MED13L: variants seen among roughly 807,000 people sequenced by gnomAD.
MED13L encodes mediator of RNA polymerase II transcription subunit 13-like.
In MED13L, 7 loss-of-function variants were observed where a neutral mutation model predicts 220.9. The observed-to-expected ratio is 0.03, with a 90% CI of 0.02 to 0.06. MED13L has a LOEUF of 0.06. Ranked by LOEUF, MED13L falls within the 10% of genes least tolerant of loss-of-function variation. The pLI is 1.00. For synonymous variants in MED13L, 1,011 were observed against 1,015.2 expected (o/e 1.00, Z 0.08); for missense variants, 1,965 against 2,760.5 (o/e 0.71, Z 6.46).
At chr12:116,006,668 G>A (rs1879065346) in intron 11 of MED13L, 1 of 532,800 alleles carries the variant, frequency 1.9e-6, no homozygotes, top group South Asian at 2.1e-5. Flanking sequence ...AAGCAGTACT[G>A]GTGGCATTTG....
chr12:116,007,333 C>T, intron 11 of MED13L, 78 bp downstream of exon 11: 1 of 1,377,882 alleles, frequency 7.3e-7, no homozygotes, highest in Non-Finnish European at 1.0e-6. Context: ...GTTCTGCCTC[C>T]AAAGTCTTCC....
At chr12:115,992,957 G>A (rs983955768) in intron 16 of MED13L, among the ~76,000 whole-genome samples, 1 of 151,496 alleles carries the variant, frequency 6.6e-6, no homozygotes, top group African/African-American at 2.4e-5. Context: ...CACATCTGTG[G>A]ATTCAGCCAT....
chr12:116,120,829 A>C (rs1260415070), intron 2 of MED13L, among the ~76,000 whole-genome samples: 1 of 152,184 alleles, frequency 6.6e-6, no homozygotes, highest in Non-Finnish European at 1.5e-5. Context: ...ATCTCTATAG[A>C]CTATGTTTAT....
intron 4 of MED13L, among the ~76,000 whole-genome samples, chr12:116,046,535 A>G (rs1036298271): frequency 6.6e-6 from 1 of 152,246 alleles, no homozygotes; most frequent in African/African-American, 2.4e-5. Context: ...ATATAGCAGT[A>G]AAACATAAAA....
intron 2 of MED13L, among the ~76,000 whole-genome samples, chr12:116,130,374 G>A (rs1019688067): frequency 1.3e-5 from 2 of 152,134 alleles, no homozygotes; most frequent in Non-Finnish European, 2.9e-5. Flanking sequence ...CCACCCGCTA[G>A]GAGGGGAAAG....
chr12:116,036,977 T>G (rs990518685), intron 4 of MED13L, among the ~76,000 whole-genome samples: 2 of 152,310 alleles, frequency 1.3e-5, no homozygotes, highest in South Asian at 2.1e-4. Flanking sequence ...CTCTTTCAAC[T>G]ATAAGTTAAA....
chr12:116,000,781 T>G (rs1263796666), intron 14 of MED13L, among the ~76,000 whole-genome samples: 1 of 152,234 alleles, frequency 6.6e-6, no homozygotes, highest in Non-Finnish European at 1.5e-5. Context: ...TGTCACTGTT[T>G]GTTGCTGTCT....
chr12:116,207,693 T>C (rs549896125), intron 2 of MED13L, among the ~76,000 whole-genome samples: 1 of 151,900 alleles, frequency 6.6e-6, no homozygotes, highest in East Asian at 1.9e-4. Flanking sequence ...CAGACAGATA[T>C]AAGAATGATA....
At chr12:115,987,338 C>T in intron 17 of MED13L, 50 bp from the exon 18 acceptor site, 10 of 1,501,960 alleles carry the variant, frequency 6.7e-6, no homozygotes, top group Non-Finnish European at 9.2e-6. Flanking sequence ...CTAGCACCCT[C>T]CTCTTCCTCA....
chr12:116,207,063 G>C (rs1565928329), intron 2 of MED13L, among the ~76,000 whole-genome samples: 1 of 151,858 alleles, frequency 6.6e-6, no homozygotes, highest in South Asian at 2.1e-4. Flanking sequence ...TACGAATACA[G>C]TCATATGCCG....
intron 2 of MED13L, among the ~76,000 whole-genome samples, chr12:116,225,493 A>G (rs760742203): frequency 3.3e-5 from 5 of 152,240 alleles, no homozygotes; most frequent in African/African-American, 4.8e-5. Context: ...TTACCTCCCT[A>G]AACAATCAGA....
intron 2 of MED13L, among the ~76,000 whole-genome samples, chr12:116,195,968 A>G (rs1397111470): frequency 1.3e-5 from 2 of 152,192 alleles, no homozygotes; most frequent in East Asian, 1.9e-4. Context: ...TTAATAAACT[A>G]GAGAATAATA....
intron 4 of MED13L, among the ~76,000 whole-genome samples, chr12:116,027,963 C>A (rs1566018326): frequency 2.0e-5 from 3 of 152,134 alleles, no homozygotes; most frequent in Non-Finnish European, 4.4e-5. Context: ...TTTCTCTGAT[C>A]TAGAAATGTG....
At chr12:116,057,684 C>G (rs1869089001) in intron 4 of MED13L, among the ~76,000 whole-genome samples, 1 of 151,384 alleles carries the variant, frequency 6.6e-6, no homozygotes, top group East Asian at 1.9e-4. Flanking sequence ...GATAGACAGC[C>G]CTAAAGTCTA....
intron 2 of MED13L, among the ~76,000 whole-genome samples, chr12:116,165,313 G>A (rs140298364): frequency 9.9e-6 from 1 of 100,800 alleles, no homozygotes; most frequent in East Asian, 3.2e-4. Flanking sequence ...TTTCTGACTA[G>A]AATGCCTATG....
At chr12:116,156,565 A>G (rs1414958312) in intron 2 of MED13L, among the ~76,000 whole-genome samples, 1 of 152,170 alleles carries the variant, frequency 6.6e-6, no homozygotes, top group Non-Finnish European at 1.5e-5. Context: ...CCTCCTTACC[A>G]CAAGTATCAA....
intron 1 of MED13L, among the ~76,000 whole-genome samples, chr12:116,257,225 C>G (rs562949738): frequency 6.6e-6 from 1 of 152,336 alleles, no homozygotes; most frequent in East Asian, 1.9e-4. Flanking sequence ...GCTGCAGTAA[C>G]AGACTATAAA....
At position 116,007,444 on chromosome 12, in the gene MED13L, T is replaced by G; in HGVS notation, c.2205A>C (p.Gln735His). 1 of 1,613,806 alleles carries G rather than the reference T, an allele frequency of 6.2e-7. No homozygotes were observed. The highest frequency in any genetic ancestry group is 8.5e-7 in the Non-Finnish European group (1 of 1,179,744). Residue 735 changes from glutamine (Q) to histidine (H), a missense_variant, in exon 11 of 31, where the codon CAA (glutamine) becomes CAC (histidine). Coordinates refer to ENST00000281928, the MANE Select transcript of MED13L (RefSeq NM_015335.5). ...YIFTANKKCK[Q>H]GTEKDSLKKN... Reference sequence around the variant, plus strand: ...TTTTCAGGGAATCTTTCTCCGTCCCTTGTTTGCATTTCTTGTTGGCTGTAA... The same window carrying G: ...TTTTCAGGGAATCTTTCTCCGTCCCGTGTTTGCATTTCTTGTTGGCTGTAA...
intron 1 of MED13L, among the ~76,000 whole-genome samples, chr12:116,261,935 CTA>C (rs1417739394): frequency 6.6e-6 from 1 of 152,156 alleles, no homozygotes; most frequent in Non-Finnish European, 1.5e-5. Flanking sequence ...GGTTTTTCCC[CTA>C]TGACAATCCA....
Sources: gnomAD v4.1 joint callset for allele counts (sites outside exome capture counted in the v4.1 genomes callset) on GRCh38, gnomAD v4.1.1 for gene constraint, MANE v1.5 for transcripts, NCBI Gene and HGNC (gene_info 2026-07-23, HGNC 2026-07-21) for gene names.